KLHL36: variants seen among roughly 807,000 people sequenced by gnomAD.
KLHL36 encodes kelch-like protein 36.
A neutral mutation model predicts 53.3 loss-of-function variants in KLHL36; 35 were observed. The ratio of observed to expected loss-of-function variants is 0.66; its 90% CI spans 0.50 to 0.87. KLHL36 has a LOEUF of 0.87. Among genes scored for constraint, KLHL36 ranks in the 40% least tolerant of loss-of-function variants. KLHL36 has a pLI of 0.00. For missense variants in KLHL36, 864 were observed against 897.6 expected (o/e 0.96, Z 0.48); for synonymous variants, 472 against 398.9 (o/e 1.18, Z -2.18).
rs532681183 is a variant in KLHL36, at chr16:84,659,975, C to G, written c.1295+58C>G. ...TGGGATGTTTTTAAGGGACATAGTT[C>G]AGTCCACGTGCCTCACTTTCTGGGC... On this transcript the variant is annotated intron_variant, in intron 4 of 4. Coordinates refer to ENST00000564996, the MANE Select transcript of KLHL36 (RefSeq NM_024731.4). 12 of 1,502,042 alleles carry G rather than the reference C, an allele frequency of 8.0e-6. No individual in the cohort carries two copies. In the African/African-American group the frequency reaches 1.5e-4, roughly 19 times the overall value. The allele number at this position is 1,502,042 out of a possible 1,614,324, so 93.0% of individuals were successfully genotyped here. A position where few individuals can be genotyped will look rare whatever the true frequency, so the allele number is the denominator to read the frequency against.
chr16:84,660,067 G>A, intron 4 of KLHL36, 150 bp downstream of exon 4: 2 of 795,800 alleles, frequency 2.5e-6, no homozygotes, highest in Non-Finnish European at 4.0e-6. Flanking sequence ...CACCATGAGG[G>A]GCGGAGGGCG....
Position 84,657,807 on chromosome 16 carries a change from C to G in KLHL36, c.1000C>G (p.Arg334Gly). ...QWVKETPLPA[R>G]RSHHCVAVLG... is the part of the protein sequence containing the mutation. ...GGTCAAAGAGACGCCGCTGCCCGCC[C>G]GGCGGAGCCACCACTGTGTCGCGGT... The change falls in exon 3 of 5, where the codon CGG becomes GGG. Residue 334 changes from arginine to glycine, a missense_variant. Transcript: ENST00000564996. 6.2e-7 allele frequency: 1 copy of G among 1,605,828 alleles called. No homozygotes were observed. The highest frequency in any genetic ancestry group is 1.1e-5 in the South Asian group (1 of 90,774).
In KLHL36 at chr16:84,665,667, C is replaced by T. The variant is rs896662194; in HGVS notation, c.*3534C>T. 1 of 152,202 alleles carries T rather than the reference C, an allele frequency of 6.6e-6. No homozygotes were observed. The highest frequency in any genetic ancestry group is 1.5e-5 in the Non-Finnish European group (1 of 68,052). The allele number at this position is 152,202 out of a possible 1,614,324, so 9.4% of individuals were successfully genotyped here. On this transcript the variant is annotated 3_prime_UTR_variant, in exon 5 of 5. Transcript: ENST00000564996. ...ACTTCATGGAGACCCAGAAACTCAC[C>T]CTAAGGGGTGTTCACCTTTGAGGTG...
At chr16:84,655,446 G>A (rs965895147) in intron 2 of KLHL36, among the ~76,000 whole-genome samples, 4 of 152,126 alleles carry the variant, frequency 2.6e-5, no homozygotes, top group Admixed American at 6.5e-5. Flanking sequence ...GCGTGGTAGC[G>A]TGTGCCTGTA....
Position 84,665,736 on chromosome 16 carries a change from C to T in KLHL36, c.*3603C>T, listed in dbSNP as rs1447400388. On this transcript the variant is annotated 3_prime_UTR_variant, in exon 5 of 5. Coordinates refer to ENST00000564996, the MANE Select transcript of KLHL36 (RefSeq NM_024731.4). ...GGAAGTGGGGTCCATCCTCTGAGGTCCAGGGGCCTACTTTGTGAGCTCAGT... is the reference window on the plus strand; with the variant it reads ...GGAAGTGGGGTCCATCCTCTGAGGTTCAGGGGCCTACTTTGTGAGCTCAGT... The T allele has an allele frequency of 2.0e-5, 3 of 152,212 alleles. No individual in the cohort carries two copies. Among genetic ancestry groups the T allele is most frequent in the Non-Finnish European group, 4.4e-5 (3 of 68,072 alleles). The allele number at this position is 152,212 out of a possible 1,614,324, so 9.4% of individuals were successfully genotyped here.
Position 84,659,698 on chromosome 16 carries a change from G to T in KLHL36, c.1138-62G>T. 5.8e-6 allele frequency: 9 copies of T among 1,546,604 alleles called. No homozygotes were observed. In the South Asian group the frequency reaches 1.0e-4, roughly 18 times the overall value. ...CGCAGACACATTTGGGAACCGCAGC[G>T]CCAGATGTTGATGCTGTCCCGGGTT... On this transcript the variant is annotated intron_variant, in intron 3 of 4. Coordinates refer to ENST00000564996, the MANE Select transcript of KLHL36 (RefSeq NM_024731.4).
rs1217766919 is a variant in KLHL36 at position 84,663,842 on chromosome 16, C to T, written c.*1709C>T. The T allele has an allele frequency of 6.6e-6, 1 of 152,202 alleles. No individual in the cohort carries two copies. Among genetic ancestry groups the T allele is most frequent in the African/African-American group, 2.4e-5 (1 of 41,442 alleles). The allele number at this position is 152,202 out of a possible 1,614,324, so 9.4% of individuals were successfully genotyped here. The stretch of plus-strand genomic sequence containing the variant: ...TGTAGCCATCCAGAAGAGATGAGAG[C>T]ATTTTGGGGACTGAAAGCTTCAATA... On this transcript the variant is annotated 3_prime_UTR_variant, in exon 5 of 5. Transcript: ENST00000564996.
Position 84,656,973 on chromosome 16 carries a change from C to T in KLHL36, c.166C>T (p.Arg56Cys), listed in dbSNP as rs143821021. 7.4e-6 allele frequency: 12 copies of T among 1,613,944 alleles called. No homozygotes were observed. The highest frequency in any genetic ancestry group is 1.6e-4 in the Middle Eastern group (1 of 6,062). Residue 56 changes from arginine to cysteine, a missense_variant, in exon 3 of 5, where the codon CGT (arginine) becomes TGT (cysteine). Transcript: ENST00000564996. ...CGTCGTCCTGGTGGCCGATGAGCAGCGTGTGCCAGCCCATCGCAACCTGCT... is the reference window on the plus strand; with the variant it reads ...CGTCGTCCTGGTGGCCGATGAGCAGTGTGTGCCAGCCCATCGCAACCTGCT... ...CDVVLVADEQ[R>C]VPAHRNLLAV... is the part of the protein sequence containing the mutation.
intron 4 of KLHL36, among the ~76,000 whole-genome samples, chr16:84,660,502 G>A (rs1907482743): frequency 1.3e-5 from 2 of 152,182 alleles, no homozygotes; most frequent in East Asian, 1.9e-4. Context: ...AGCAGAAGGT[G>A]CACACCATTT....
chr16:84,655,827 C>T (rs1469479431), intron 2 of KLHL36, among the ~76,000 whole-genome samples: 1 of 152,170 alleles, frequency 6.6e-6, no homozygotes, highest in Non-Finnish European at 1.5e-5. Flanking sequence ...TCACCTCAGT[C>T]ACCCTGGAAT....
At position 84,667,438 on chromosome 16, in the gene KLHL36, G is replaced by A. The variant is rs879746532; in HGVS notation, c.*5305G>A. 2.6e-5 allele frequency: 4 copies of A among 152,142 alleles called. No homozygotes were observed. Among genetic ancestry groups the A allele is most frequent in the South Asian group, 2.1e-4 (1 of 4,826 alleles). 9.4% of individuals were successfully genotyped at this position (152,142 alleles called of 1,614,324 possible). A position where few individuals can be genotyped will look rare whatever the true frequency, so the allele number is the denominator to read the frequency against. On this transcript the variant is annotated 3_prime_UTR_variant, in exon 5 of 5. Transcript: ENST00000564996. Reference sequence around the variant, plus strand: ...TGTATTTGTAATTTTATGACATTTCGAAGTTTCTGTGTCTTAACTCTTTTT... The same window carrying A: ...TGTATTTGTAATTTTATGACATTTCAAAGTTTCTGTGTCTTAACTCTTTTT...
chr16:84,659,630 G>A, intron 3 of KLHL36, 130 bp from the exon 4 acceptor site: 1 of 938,356 alleles, frequency 1.1e-6, no homozygotes, highest in Non-Finnish European at 1.6e-6. Context: ...TCTTTATTCA[G>A]GTGCAGTTCC....
intron 2 of KLHL36, among the ~76,000 whole-genome samples, chr16:84,655,741 A>C (rs2150722788): frequency 6.6e-6 from 1 of 150,392 alleles, no homozygotes; most frequent in South Asian, 2.1e-4. Flanking sequence ...CATAGCTGCT[A>C]ATACCTAATA....
chr16:84,659,554 A>T, intron 3 of KLHL36: 1 of 554,928 alleles, frequency 1.8e-6, no homozygotes, highest in South Asian at 2.4e-5. Context: ...TCTCCATCCC[A>T]CTTTTGGGGA....
chr16:84,658,110 C>T (rs949248006), intron 3 of KLHL36, 166 bp downstream of exon 3: 120 of 581,020 alleles, frequency 2.1e-4, no homozygotes, highest in Non-Finnish European at 4.0e-5. Flanking sequence ...ACATCCTGGA[C>T]AGGGAGAGGG....
At chr16:84,651,056 A>T in intron 2 of KLHL36, 126 bp downstream of exon 2, 1 of 751,472 alleles carries the variant, frequency 1.3e-6, no homozygotes, top group Non-Finnish European at 2.2e-6. Context: ...CTTAATGACA[A>T]GTAAAGGTGG....
rs1318151728 is a variant in KLHL36 at position 84,663,786 on chromosome 16, G to C, written c.*1653G>C. On this transcript the variant is annotated 3_prime_UTR_variant, in exon 5 of 5. Coordinates refer to ENST00000564996, the MANE Select transcript of KLHL36 (RefSeq NM_024731.4). Reference sequence around the variant, plus strand: ...CTGCCCCTCCTTTCCCTTCCCTTCAGGGTTTACTGTGGTTCTCACTGGTCT... The same window carrying C: ...CTGCCCCTCCTTTCCCTTCCCTTCACGGTTTACTGTGGTTCTCACTGGTCT... 6.6e-6 allele frequency: 1 copy of C among 152,226 alleles called. No individual in the cohort carries two copies. Among genetic ancestry groups the C allele is most frequent in the Non-Finnish European group, 1.5e-5 (1 of 68,058 alleles). 9.4% of individuals were successfully genotyped at this position (152,226 alleles called of 1,614,324 possible). A position where few individuals can be genotyped will look rare whatever the true frequency, so the allele number is the denominator to read the frequency against.
At position 84,664,745 on chromosome 16, in the gene KLHL36, G is replaced by C. The variant is rs1223003710; in HGVS notation, c.*2612G>C. The C allele has an allele frequency of 6.6e-6, 1 of 152,184 alleles. No homozygotes were observed. Among genetic ancestry groups the C allele is most frequent in the Non-Finnish European group, 1.5e-5 (1 of 68,044 alleles). 9.4% of individuals were successfully genotyped at this position (152,184 alleles called of 1,614,324 possible). A position where few individuals can be genotyped will look rare whatever the true frequency, so the allele number is the denominator to read the frequency against. On this transcript the variant is annotated 3_prime_UTR_variant, in exon 5 of 5. Transcript: ENST00000564996. ...CAAGGGCACCCAGTGGTGGTGCCCG[G>C]GCCAGGTTTTTGTTACTTGTCTTTT...
Position 84,662,462 on chromosome 16 carries a change from T to G in KLHL36, c.*329T>G. On this transcript the variant is annotated 3_prime_UTR_variant, in exon 5 of 5. Coordinates refer to ENST00000564996, the MANE Select transcript of KLHL36 (RefSeq NM_024731.4). ...CACGTGGGTAACACAGAAATTTCTG[T>G]AGTGAAGCTTGGGCCTCAAAGGGTT... 2.5e-5 allele frequency: 5 copies of G among 197,888 alleles called. No individual in the cohort carries two copies. The highest frequency in any genetic ancestry group is 1.4e-4 in the South Asian group (1 of 6,918). 12.3% of individuals were successfully genotyped at this position (197,888 alleles called of 1,614,324 possible). A position where few individuals can be genotyped will look rare whatever the true frequency, so the allele number is the denominator to read the frequency against.
Sources: gnomAD v4.1 joint callset for allele counts (sites outside exome capture counted in the v4.1 genomes callset) on GRCh38, gnomAD v4.1.1 for gene constraint, MANE v1.5 for transcripts, NCBI Gene and HGNC (gene_info 2026-07-23, HGNC 2026-07-21) for gene names.